EHMT1: variants seen among roughly 807,000 people sequenced by gnomAD.
EHMT1 encodes histone-lysine N-methyltransferase EHMT1.
A neutral mutation model predicts 147.2 loss-of-function variants in EHMT1; 15 were observed. The observed-to-expected ratio is 0.10, with a 90% CI of 0.07 to 0.16. The LOEUF (loss-of-function observed/expected upper bound fraction) is 0.16, where lower values mean the gene tolerates loss of function less well. EHMT1 is among the 10% of genes least tolerant of loss of function. The pLI is 1.00. For missense variants in EHMT1, 1,587 were observed against 1,772.4 expected, an observed-to-expected ratio of 0.90 and a Z score of 1.88; for synonymous variants, 795 against 709.6, an observed-to-expected ratio of 1.12 and a Z score of -1.91.
At chr9:137,797,702 C>T (rs1953075086) in intron 16 of EHMT1, among the ~76,000 whole-genome samples, 1 of 151,800 alleles carries the variant, frequency 6.6e-6, no homozygotes, top group Non-Finnish European at 1.5e-5. Flanking sequence ...TGATTTAGCC[C>T]CAGGTAGGGG....
chr9:137,704,162 C>T (rs1037314451), intron 1 of EHMT1, among the ~76,000 whole-genome samples: 16 of 152,226 alleles, frequency 1.1e-4, no homozygotes, highest in Non-Finnish European at 1.6e-4. Context: ...TACCTCCCAT[C>T]AGGCCCCTCC....
chr9:137,811,571 G>C lies in EHMT1; in HGVS notation c.2823G>C (p.Ser941=). 1 of 1,606,908 alleles carries C rather than the reference G, an allele frequency of 6.2e-7. No homozygotes were observed. Among genetic ancestry groups the C allele is most frequent in the Non-Finnish European group, 8.5e-7 (1 of 1,179,990 alleles). The part of the protein sequence containing the change: ...DLHAVNIHGD[S]PLHIAARENR... ...ACGCCGTGAACATCCACGGAGACTCGCCACTGCACATTGCCGCCCGGGAGA... is the reference window on the plus strand; with the variant it reads ...ACGCCGTGAACATCCACGGAGACTCCCCACTGCACATTGCCGCCCGGGAGA... The change falls in exon 19 of 27, where the codon TCG becomes TCC. Residue 941 remains serine (S), a synonymous_variant. Transcript: ENST00000460843.
At chr9:137,664,138 C>G (rs905660679) in intron 1 of EHMT1, among the ~76,000 whole-genome samples, 5 of 152,048 alleles carry the variant, frequency 3.3e-5, no homozygotes, top group African/African-American at 1.2e-4. Flanking sequence ...CTCCTGGGCT[C>G]AAGTGATCCT....
At chr9:137,804,240 A>G (rs1443636329) in intron 18 of EHMT1, among the ~76,000 whole-genome samples, 2 of 152,198 alleles carry the variant, frequency 1.3e-5, no homozygotes, top group Admixed American at 6.5e-5. Flanking sequence ...GAGCCAACCC[A>G]TATCAGACAG....
intron 13 of EHMT1, among the ~76,000 whole-genome samples, chr9:137,778,416 C>T (rs781171173): frequency 3.3e-5 from 5 of 152,340 alleles, no homozygotes; most frequent in Admixed American, 1.3e-4. Flanking sequence ...CTGTGCAATG[C>T]GAGGGTTGGG....
intron 9 of EHMT1, among the ~76,000 whole-genome samples, chr9:137,759,241 C>A (rs917243509): frequency 6.6e-6 from 1 of 152,220 alleles, no homozygotes; most frequent in African/African-American, 2.4e-5. Context: ...TGGAGCAGAA[C>A]CCCCTCAAGC....
At chr9:137,622,131 C>G (rs1003315740) in intron 1 of EHMT1, among the ~76,000 whole-genome samples, 1 of 120,444 alleles carries the variant, frequency 8.3e-6, no homozygotes, top group Admixed American at 1.0e-4. Context: ...CCTTTTTTTT[C>G]TTTTTGAGAA....
At chr9:137,710,412 G>T (rs2135376697) in intron 1 of EHMT1, among the ~76,000 whole-genome samples, 1 of 152,312 alleles carries the variant, frequency 6.6e-6, no homozygotes, top group Non-Finnish European at 1.5e-5. Flanking sequence ...AGCAGAGGTT[G>T]CAGTGAGCCG....
chr9:137,787,692 G>C lies in EHMT1; in HGVS notation c.2383-3156G>C. 1.5e-6 allele frequency: 1 copy of C among 673,036 alleles called. No homozygotes were observed. The highest frequency in any genetic ancestry group is 2.6e-6 in the Non-Finnish European group (1 of 381,954). 41.7% of individuals were successfully genotyped at this position (673,036 alleles called of 1,614,324 possible). On this transcript the variant is annotated intron_variant, in intron 15 of 26. Transcript: ENST00000460843. The surrounding 1 kb of genome is among the most constrained non-coding windows in gnomAD (Gnocchi z 4.2). ...ACAGGCTGCACCGGGAGAGCAGCCC[G>C]CCTGGGCCAGGGGCCGCCAGGTCCC...
intron 1 of EHMT1, among the ~76,000 whole-genome samples, chr9:137,700,703 G>C (rs1415893927): frequency 2.0e-5 from 3 of 152,134 alleles, no homozygotes; most frequent in Non-Finnish European, 4.4e-5. Flanking sequence ...CTTAGGTACT[G>C]TTCTAATTGA....
In EHMT1 at chr9:137,732,180, G is replaced by T. The variant is rs956591163; in HGVS notation, c.823+3651G>T. ...CACGGGGCAGCCGCCGACACCAGCG[G>T]AGGGCAGGAGGGCTACAGTGTTACA... On this transcript the variant is annotated intron_variant, in intron 4 of 26. Transcript: ENST00000460843. This position sits in a 1 kb window ranked among gnomAD's most constrained non-coding sequence, Gnocchi z 4.6. Among the ~76,000 whole-genome samples, 101 of 152,350 alleles carry T rather than the reference G, an allele frequency of 6.6e-4. No homozygotes were observed. Among genetic ancestry groups the T allele is most frequent in the African/African-American group, 2.3e-3 (97 of 41,582 alleles).
rs1260373095 is a variant in EHMT1, at chr9:137,787,106, G to C, written c.2383-3742G>C. 1 of 152,326 alleles carries C rather than the reference G, an allele frequency of 6.6e-6. No individual in the cohort carries two copies. The highest frequency in any genetic ancestry group is 2.4e-5 in the African/African-American group (1 of 41,368). The allele number at this position is 152,326 out of a possible 1,614,324, so 9.4% of individuals were successfully genotyped here. On this transcript the variant is annotated intron_variant, in intron 15 of 26. Coordinates refer to ENST00000460843, the MANE Select transcript of EHMT1 (RefSeq NM_024757.5). This position sits in a 1 kb window ranked among gnomAD's most constrained non-coding sequence, Gnocchi z 4.2. ...CCCTCGTGTTGCAAGATTTCATGCC[G>C]TGTCTGCAGTTTCTGGAGAGCACTG... is the stretch of plus-strand genomic sequence containing the variant.
At position 137,743,803 on chromosome 9, in the gene EHMT1, C is replaced by A. The variant is rs939423322; in HGVS notation, c.982-99C>A. The A allele has an allele frequency of 9.9e-6, 14 of 1,416,240 alleles. No homozygotes were observed. In the Admixed American group the frequency reaches 2.4e-4, roughly 25 times the overall value. 87.7% of individuals were successfully genotyped at this position (1,416,240 alleles called of 1,614,324 possible). On this transcript the variant is annotated intron_variant, in intron 5 of 26. Coordinates refer to ENST00000460843, the MANE Select transcript of EHMT1 (RefSeq NM_024757.5). ...CGTGTGTCCCCGCCTCCCCACAGGC[C>A]CTTGCACCTCCCAGTCACCCAAGAC...
In EHMT1 at chr9:137,668,884, C is replaced by T. The variant is rs186323227; in HGVS notation, c.22-42083C>T. Among the ~76,000 whole-genome samples the T allele has an allele frequency of 3.3e-3, 500 of 152,166 alleles. 3 individuals are homozygous for T. The highest frequency in any genetic ancestry group is 0.012 in the African/African-American group (487 of 41,516). ...TCTGTTTTAAGTACTGGAGTAAATG[C>T]CAAGTTGTTTTCTTTTTTTGGAGAC... On this transcript the variant is annotated intron_variant, in intron 1 of 26. Transcript: ENST00000460843.
chr9:137,729,908 C>T (rs1946959090), intron 4 of EHMT1, among the ~76,000 whole-genome samples: 1 of 152,238 alleles, frequency 6.6e-6, no homozygotes, highest in Admixed American at 6.5e-5. Context: ...TCCTGTTCCG[C>T]ATTTCCCATT....
chr9:137,718,288 T>C (rs1198383022), intron 3 of EHMT1, among the ~76,000 whole-genome samples: 7 of 152,254 alleles, frequency 4.6e-5, no homozygotes, highest in Non-Finnish European at 1.0e-4. Flanking sequence ...GCATACACGA[T>C]ACAGGTTTTC....
intron 1 of EHMT1, among the ~76,000 whole-genome samples, chr9:137,643,342 T>G (rs557078779): frequency 0.012 from 1,783 of 147,714 alleles, 13 homozygotes; most frequent in Middle Eastern, 0.048. Context: ...TAAAGGTTTT[T>G]TTTTTTTTTT....
At chr9:137,756,766 C>T (rs762380148) in intron 8 of EHMT1, among the ~76,000 whole-genome samples, 7 of 152,226 alleles carry the variant, frequency 4.6e-5, no homozygotes, top group Non-Finnish European at 7.3e-5. Flanking sequence ...TAAATATTCA[C>T]AGAGGAGTTT....
At chr9:137,629,574 T>C (rs1212802700) in intron 1 of EHMT1, among the ~76,000 whole-genome samples, 1 of 152,034 alleles carries the variant, frequency 6.6e-6, no homozygotes, top group African/African-American at 2.4e-5. Flanking sequence ...TTTGTATTTT[T>C]AGTAGAGACA....
Sources: gnomAD v4.1 joint callset for allele counts (sites outside exome capture counted in the v4.1 genomes callset) on GRCh38, gnomAD v4.1.1 for gene constraint, Gnocchi (gnomAD v3.1) non-coding constraint, MANE v1.5 for transcripts, NCBI Gene and HGNC (gene_info 2026-07-23, HGNC 2026-07-21) for gene names.